The following DLGAP2 variants were observed in gnomAD, a reference collection of about 807,000 sequenced individuals.
DLGAP2 encodes the protein DLG associated protein 2.
A neutral mutation model predicts 100.3 loss-of-function variants in DLGAP2; 26 were observed. The ratio of observed to expected loss-of-function variants is 0.26; its 90% confidence interval spans 0.19 to 0.36. The LOEUF (loss-of-function observed/expected upper bound fraction) is 0.36, where lower values mean the gene tolerates loss of function less well. DLGAP2 is among the 10% of genes least tolerant of loss of function. The pLI is 1.00. For synonymous variants in DLGAP2, 886 were observed against 630.1 expected (o/e 1.41, Z -6.08); for missense variants, 1,858 against 1,453.2 (o/e 1.28, Z -4.53).
intron 3 of DLGAP2, chr8:1,381,064 A>T (rs1028339203): frequency 6.6e-6 from 1 of 151,926 alleles, no homozygotes; most frequent in Admixed American, 6.6e-5. Flanking sequence ...AATCAAAATT[A>T]GACTTAAGAG....
Position 1,678,554 on chromosome 8 carries a change from G to A in DLGAP2, c.2629G>A (p.Ala877Thr), listed in dbSNP as rs201059850. Residue 877 changes from alanine to threonine, a missense_variant, in exon 12 of 15, where the codon GCA becomes ACA. Transcript: ENST00000637795. ...CTCGTGGTTTTTGAAGCTGCTGCACGCAGAGACAAAGAGGATGGAAGGCTG... is the reference window on the plus strand; with the variant it reads ...CTCGTGGTTTTTGAAGCTGCTGCACACAGAGACAAAGAGGATGGAAGGCTG... ...DGSWFLKLLH[A>T]ETKRMEGWCK... is the part of the protein sequence containing the mutation. 6.2e-5 allele frequency: 98 copies of A among 1,591,300 alleles called. No individual in the cohort carries two copies. The Admixed American group carries it at 1.4e-3, about 23-fold the overall frequency.
intron 8 of DLGAP2, among the ~76,000 whole-genome samples, chr8:1,645,630 C>T (rs1435245207): frequency 6.6e-6 from 1 of 152,164 alleles, no homozygotes. Flanking sequence ...CCTATAGATA[C>T]ATTTGTGTTG....
intron 2 of DLGAP2, among the ~76,000 whole-genome samples, chr8:1,191,647 G>A (rs1241460099): frequency 6.6e-6 from 1 of 152,068 alleles, no homozygotes; most frequent in Non-Finnish European, 1.5e-5. Context: ...GTTGCAATGA[G>A]CAGACAAAGC....
chr8:1,613,457 G>T (rs1346079505), intron 6 of DLGAP2, among the ~76,000 whole-genome samples: 1 of 151,788 alleles, frequency 6.6e-6, no homozygotes, highest in Non-Finnish European at 1.5e-5. Flanking sequence ...ACGAGTTAGT[G>T]GGTGCAGCGC....
chr8:1,241,177 CCG>C (rs1563274468), intron 2 of DLGAP2, among the ~76,000 whole-genome samples: 11 of 15,736 alleles, frequency 7.0e-4, no homozygotes, highest in Middle Eastern at 0.12. Flanking sequence ...TCACGTGGCG[CCG>C]TGTCTCGTTC....
Position 1,013,631 on chromosome 8 carries a change from T to C in DLGAP2, c.73+105665T>C, listed in dbSNP as rs112879700. 8.0e-3 allele frequency among the ~76,000 whole-genome samples: 846 copies of C among 105,126 alleles called. 13 individuals carry two copies. Among genetic ancestry groups the C allele is most frequent in the African/African-American group, 0.026 (521 of 19,728 alleles). The allele number at this position is 105,126 out of a possible 152,430, so 69.0% of individuals were successfully genotyped here. A position where few individuals can be genotyped will look rare whatever the true frequency, so the allele number is the denominator to read the frequency against. Reference sequence around the variant, plus strand: ...CTGTGTGTGTGACCAGGACAGACGGTGCCTCCACTGTGTGTGTGACCAGGA... The same window carrying C: ...CTGTGTGTGTGACCAGGACAGACGGCGCCTCCACTGTGTGTGTGACCAGGA... On this transcript the variant is annotated intron_variant, in intron 2 of 14. Transcript: ENST00000637795.
At chr8:1,352,785 G>C (rs1351608939) in intron 3 of DLGAP2, among the ~76,000 whole-genome samples, 1 of 152,192 alleles carries the variant, frequency 6.6e-6, no homozygotes, top group Non-Finnish European at 1.5e-5. Context: ...TTCCAGCCTT[G>C]GATGCCACTC....
chr8:775,235 TAAG>T (rs1438686878), intron 1 of DLGAP2, among the ~76,000 whole-genome samples: 2 of 152,082 alleles, frequency 1.3e-5, no homozygotes, highest in Non-Finnish European at 2.9e-5. Context: ...CTTATCAGCT[TAAG>T]GAGATTTTGG....
At chr8:998,097 A>G (rs1222964155) in intron 2 of DLGAP2, among the ~76,000 whole-genome samples, 3 of 152,214 alleles carry the variant, frequency 2.0e-5, no homozygotes, top group South Asian at 4.1e-4. Context: ...GTGTCTGCAC[A>G]GAAACATACA....
intron 3 of DLGAP2, chr8:1,296,104 G>A (rs940148994): frequency 2.6e-5 from 4 of 152,162 alleles, no homozygotes; most frequent in Non-Finnish European, 1.5e-5. Flanking sequence ...TTTCCCGAGT[G>A]TTGATTTTCA....
chr8:1,288,437 G>A (rs1414687769), intron 3 of DLGAP2, among the ~76,000 whole-genome samples: 36 of 148,340 alleles, frequency 2.4e-4, no homozygotes, highest in African/African-American at 6.7e-4. Flanking sequence ...TTCAGTGTGT[G>A]TGTGTGTGTG....
At chr8:1,269,721 T>C (rs1356797566) in intron 3 of DLGAP2, among the ~76,000 whole-genome samples, 3 of 152,116 alleles carry the variant, frequency 2.0e-5, no homozygotes, top group Non-Finnish European at 4.4e-5. Flanking sequence ...GCCAATCTTG[T>C]GATCAGATGA....
At chr8:796,813 A>G (rs999013628) in intron 1 of DLGAP2, among the ~76,000 whole-genome samples, 2 of 152,152 alleles carry the variant, frequency 1.3e-5, no homozygotes, top group Non-Finnish European at 2.9e-5. Context: ...GCACCATGAC[A>G]GCCAGGTGGC....
intron 2 of DLGAP2, among the ~76,000 whole-genome samples, chr8:1,231,645 T>C (rs905631015): frequency 9.2e-5 from 14 of 152,162 alleles, no homozygotes; most frequent in East Asian, 5.8e-4. Flanking sequence ...GGATACTGCA[T>C]AGCCATAAAA....
intron 1 of DLGAP2, among the ~76,000 whole-genome samples, chr8:900,951 G>A (rs1048635820): frequency 9.2e-5 from 14 of 152,164 alleles, no homozygotes; most frequent in Admixed American, 4.6e-4. Flanking sequence ...AAAGTGGAAG[G>A]ATATGAGTTT....
chr8:1,292,774 T>G (rs1800087599), intron 3 of DLGAP2, among the ~76,000 whole-genome samples: 1 of 152,018 alleles, frequency 6.6e-6, no homozygotes, highest in Non-Finnish European at 1.5e-5. Context: ...AGCCTCCCCT[T>G]TCCACTCATG....
At chr8:1,309,017 C>G (rs1800554021) in intron 3 of DLGAP2, among the ~76,000 whole-genome samples, 1 of 151,930 alleles carries the variant, frequency 6.6e-6, no homozygotes, top group Admixed American at 6.6e-5. Flanking sequence ...AGGAAAGTGT[C>G]TACAGTTAAA....
rs1047597567 is a variant in DLGAP2 at position 836,520 on chromosome 8, A to C, written c.19-71392A>C. The stretch of plus-strand genomic sequence containing the variant: ...TCCTGGCAAGCGTTCGAGGCCTGGC[A>C]GGTGCGGGGGCACACAAGGCTGAGG... On this transcript the variant is annotated intron_variant, in intron 1 of 14. Transcript: ENST00000637795. Among the ~76,000 whole-genome samples the C allele has an allele frequency of 2.0e-5, 3 of 152,302 alleles. No homozygotes were observed. In the East Asian group the frequency reaches 5.8e-4, roughly 30 times the overall value.
intron 8 of DLGAP2, among the ~76,000 whole-genome samples, chr8:1,636,571 T>TA (rs1797772417): frequency 6.6e-6 from 1 of 152,248 alleles, no homozygotes; most frequent in Non-Finnish European, 1.5e-5. Flanking sequence ...TCAGTTTGAA[T>TA]AAATATGACT....
Sources: allele counts gnomAD v4.1 joint callset (sites outside exome capture counted in the v4.1 genomes callset), GRCh38; gene constraint gnomAD v4.1.1; transcripts MANE v1.5; gene names NCBI Gene and HGNC (gene_info 2026-07-23, HGNC 2026-07-21).